The following LCN9 variants were observed in gnomAD, a reference collection of about 807,000 sequenced individuals.
LCN9 encodes the protein epididymal-specific lipocalin-9.
LCN9 carries 22 observed loss-of-function variants against 18.5 expected under a neutral mutation model. The ratio of observed to expected loss-of-function variants is 1.19; its 90% CI spans 0.85 to 1.70. The LOEUF (loss-of-function observed/expected upper bound fraction) is 1.70, where lower values mean the gene tolerates loss of function less well. Among genes scored for constraint, LCN9 ranks in the 40% most tolerant of loss-of-function variants. The probability of loss-of-function intolerance (pLI) is 0.00; values close to 1 mark genes in which losing one functional copy is unlikely to be tolerated. For synonymous variants in LCN9, 89 were observed against 83.0 expected (o/e 1.07, Z -0.39); for missense variants, 202 against 201.3 (o/e 1.00, Z -0.02).
In LCN9 at chr9:135,664,242, C is replaced by T. The variant is rs780893640; in HGVS notation, c.177C>T (p.Phe59=). 3 of 1,613,704 alleles carry T rather than the reference C, an allele frequency of 1.9e-6. No individual in the cohort carries two copies. The Admixed American group carries it at 5.0e-5, about 27-fold the overall frequency. The stretch of plus-strand genomic sequence containing the variant: ...AAGAAAATGGAGACCTGAGGGTCTT[C>T]GTCCGGAATATTGAACACTTGAAGA... Residue 59 remains phenylalanine, a synonymous_variant, in exon 2 of 6, where the codon TTC becomes TTT. Coordinates refer to ENST00000619315, the Ensembl canonical transcript of LCN9. The surrounding 1 kb of genome is among the most constrained non-coding windows in gnomAD (Gnocchi z 4.5).
rs749777406 is a variant in LCN9, at chr9:135,664,171, G to C, written c.106G>C (p.Val36Leu). The change falls in exon 2 of 6, where the codon GTC becomes CTC. Residue 36 changes from valine to leucine, a missense_variant. Val to Leu is a conservative substitution (Grantham distance 32, BLOSUM62 1). Transcript: ENST00000619315. This position sits in a 1 kb window ranked among gnomAD's most constrained non-coding sequence, Gnocchi z 4.5. ...AGCTCTTTGTCTTCAGGTTTCAGGG[G>C]TCTGGTATTCTATTTTCATGGCCTC... 3.7e-6 allele frequency: 6 copies of C among 1,613,558 alleles called. No homozygotes were observed. Among genetic ancestry groups the C allele is most frequent in the Non-Finnish European group, 5.1e-6 (6 of 1,179,718 alleles).
chr9:135,666,698 G>A (rs1241952239), exon 6 of LCN9, among the ~76,000 whole-genome samples: 1 of 152,184 alleles, frequency 6.6e-6, no homozygotes, highest in Admixed American at 6.5e-5. Flanking sequence ...TAAAGGAGTG[G>A]ATGTACCTGT....
intron 1 of LCN9, 125 bp downstream of exon 1, chr9:135,663,542 A>C (rs1200373115): frequency 2.1e-6 from 1 of 467,286 alleles, no homozygotes; most frequent in African/African-American, 2.1e-5. Context: ...CTCCTCCCCA[A>C]GCTGTGACAG....
Position 135,664,037 on chromosome 9 carries a change from G to A in LCN9, c.97-125G>A. 1 of 995,114 alleles carries A rather than the reference G, an allele frequency of 1.0e-6. No individual in the cohort carries two copies. Among genetic ancestry groups the A allele is most frequent in the East Asian group, 2.6e-5 (1 of 38,282 alleles). The allele number at this position is 995,114 out of a possible 1,614,324, so 61.6% of individuals were successfully genotyped here. On this transcript the variant is annotated intron_variant, in intron 1 of 5. Coordinates refer to ENST00000619315, the Ensembl canonical transcript of LCN9. This position sits in a 1 kb window ranked among gnomAD's most constrained non-coding sequence, Gnocchi z 4.5. ...AGGGGAGACCTGGGGGCACTGGAAG[G>A]GCGGAGGGGTTCTGGTTGGGAGCCA...
chr9:135,666,006 C>G, exon 6 of LCN9: 1 of 1,599,626 alleles, frequency 6.3e-7, no homozygotes, highest in Non-Finnish European at 8.5e-7. Context: ...GCCCATCCCT[C>G]CCCCTGGTCT....
chr9:135,664,362 TCTCA>T lies in LCN9; in HGVS notation c.233+68_233+71del. 6.3e-7 allele frequency: 1 copy of T among 1,593,274 alleles called. No individual in the cohort carries two copies. The highest frequency in any genetic ancestry group is 8.6e-7 in the Non-Finnish European group (1 of 1,164,870). The stretch of plus-strand genomic sequence containing the variant: ...ATGCCCCTGCCACCCCAACGCATAC[TCTCA>T]CTCTTGCACACACACGCTCGCACAC... On this transcript the variant is annotated intron_variant, in intron 2 of 5. Coordinates refer to ENST00000619315, the Ensembl canonical transcript of LCN9. The surrounding 1 kb of genome is among the most constrained non-coding windows in gnomAD (Gnocchi z 4.5).
rs569334365 is a variant in LCN9, at chr9:135,664,142, C to T, written c.97-20C>T. The T allele has an allele frequency of 6.2e-7, 1 of 1,612,294 alleles. No individual in the cohort carries two copies. Among genetic ancestry groups the T allele is most frequent in the Admixed American group, 1.7e-5 (1 of 59,768 alleles). On this transcript the variant is annotated intron_variant, in intron 1 of 5. Coordinates refer to ENST00000619315, the Ensembl canonical transcript of LCN9. The surrounding 1 kb of genome is among the most constrained non-coding windows in gnomAD (Gnocchi z 4.5). The stretch of plus-strand genomic sequence containing the variant: ...GGGCTGTCCCGCGGCCCCCCACCCA[C>T]TGGAGCTCTTTGTCTTCAGGTTTCA...
At chr9:135,663,360 C>G in exon 1 of LCN9, 1 of 1,613,932 alleles carries the variant, frequency 6.2e-7, no homozygotes, top group East Asian at 2.2e-5. Context: ...TGAGCCTCAT[C>G]GCAGCCCAGG....
Position 135,665,359 on chromosome 9 carries a change from C to G in LCN9, c.418+4C>G. The stretch of plus-strand genomic sequence containing the variant: ...ACCCACACGCTGGCGCTCTATGGTA[C>G]CTCCGCTGTCCCCCTCTGACCCCCT... On this transcript the variant is annotated splice_donor_region_variant and intron_variant, in intron 4 of 5. Coordinates refer to ENST00000619315, the Ensembl canonical transcript of LCN9. The surrounding 1 kb of genome is among the most constrained non-coding windows in gnomAD (Gnocchi z 5.9). 2 of 1,583,408 alleles carry G rather than the reference C, an allele frequency of 1.3e-6. No individual in the cohort carries two copies. Among genetic ancestry groups the G allele is most frequent in the Non-Finnish European group, 1.7e-6 (2 of 1,164,270 alleles).
At chr9:135,663,678 C>T (rs111990706) in intron 1 of LCN9, among the ~76,000 whole-genome samples, 67 of 138,138 alleles carry the variant, frequency 4.9e-4, no homozygotes, top group South Asian at 1.2e-3. Context: ...AGTGGAGTGG[C>T]GGCCAGCAGG....
At chr9:135,666,292 G>A in exon 6 of LCN9, 1 of 702,430 alleles carries the variant, frequency 1.4e-6, no homozygotes, top group Non-Finnish European at 2.3e-6. Flanking sequence ...TCTTCCGGCT[G>A]CTGGGGGCTC....
In LCN9 at chr9:135,665,347, C is replaced by A. The variant is rs193005693; in HGVS notation, c.410C>A (p.Ala137Glu). The A allele has an allele frequency of 1.3e-6, 2 of 1,596,340 alleles. No individual in the cohort carries two copies. The highest frequency in any genetic ancestry group is 1.7e-5 in the Admixed American group (1 of 57,800). The change falls in exon 4 of 6, where the codon GCG (alanine) becomes GAG (glutamate). Residue 137 changes from alanine (A) to glutamate (E), a missense_variant. By Grantham distance (107) the Ala-to-Glu change is moderately radical. Transcript: ENST00000619315. The surrounding 1 kb of genome is among the most constrained non-coding windows in gnomAD (Gnocchi z 5.9). ...AACGGGACCGAGACCCACACGCTGGCGCTCTATGGTACCTCCGCTGTCCCC... is the reference window on the plus strand; with the variant it reads ...AACGGGACCGAGACCCACACGCTGGAGCTCTATGGTACCTCCGCTGTCCCC...
chr9:135,665,634 A>T lies in LCN9; in HGVS notation c.419-54A>T. On this transcript the variant is annotated intron_variant, in intron 4 of 5. Coordinates refer to ENST00000619315, the Ensembl canonical transcript of LCN9. This position sits in a 1 kb window ranked among gnomAD's most constrained non-coding sequence, Gnocchi z 5.9. ...CCAGCAAGGCCCAGCTTCACACAGAACCAACTCTGTTCCCAGCACGGGTCC... is the reference window on the plus strand; with the variant it reads ...CCAGCAAGGCCCAGCTTCACACAGATCCAACTCTGTTCCCAGCACGGGTCC... The T allele has an allele frequency of 6.4e-7, 1 of 1,556,462 alleles. No individual in the cohort carries two copies. The highest frequency in any genetic ancestry group is 1.2e-5 in the South Asian group (1 of 85,910).
At chr9:135,666,281 C>T in exon 6 of LCN9, 1 of 777,988 alleles carries the variant, frequency 1.3e-6, no homozygotes, top group Non-Finnish European at 2.0e-6. Flanking sequence ...TCCTTCCTGC[C>T]TCTTCCGGCT....
chr9:135,663,831 T>G (rs1382573305), intron 1 of LCN9, among the ~76,000 whole-genome samples: 12 of 19,014 alleles, frequency 6.3e-4, no homozygotes, highest in South Asian at 3.7e-3. Context: ...GAGAGACCTG[T>G]GGGGCAGAGG....
chr9:135,663,802 GGGACCTGGAGGGGCAGAGGAGA>G (rs1834159853), intron 1 of LCN9, among the ~76,000 whole-genome samples: 1 of 34,764 alleles, frequency 2.9e-5, no homozygotes, highest in Non-Finnish European at 5.7e-5. Flanking sequence ...AGGACAGAGG[GGGACCTGGAGGGGCAGAGGAGA>G]GACCTGTGGG....
In LCN9 at chr9:135,664,337, A is replaced by G. The variant is rs1021514529; in HGVS notation, c.233+39A>G. ...ATCTCAGCTGGCATCAGGAAGACCC[A>G]TGCCCCTGCCACCCCAACGCATACT... On this transcript the variant is annotated intron_variant, in intron 2 of 5. Coordinates refer to ENST00000619315, the Ensembl canonical transcript of LCN9. This position sits in a 1 kb window ranked among gnomAD's most constrained non-coding sequence, Gnocchi z 4.5. 3 of 1,612,410 alleles carry G rather than the reference A, an allele frequency of 1.9e-6. No homozygotes were observed. In the South Asian group the frequency reaches 3.3e-5, roughly 18 times the overall value.
In LCN9 at chr9:135,664,382, G is replaced by A. The variant is rs574123301; in HGVS notation, c.233+84G>A. 1,194 of 1,520,452 alleles carry A rather than the reference G, an allele frequency of 7.9e-4. 4 individuals are homozygous for A. The highest frequency in any genetic ancestry group is 1.6e-3 in the Admixed American group (94 of 59,346). The allele number at this position is 1,520,452 out of a possible 1,614,324, so 94.2% of individuals were successfully genotyped here. On this transcript the variant is annotated intron_variant, in intron 2 of 5. Coordinates refer to ENST00000619315, the Ensembl canonical transcript of LCN9. The surrounding 1 kb of genome is among the most constrained non-coding windows in gnomAD (Gnocchi z 4.5). ...CATACTCTCACTCTTGCACACACAC[G>A]CTCGCACACTCACTGACTTGCACTC...
In LCN9 at chr9:135,665,072, C is replaced by T. The variant is rs140124106; in HGVS notation, c.308-173C>T. The T allele has an allele frequency of 1.9e-5, 12 of 636,546 alleles. No individual in the cohort carries two copies. The East Asian group carries it at 2.2e-4, about 12-fold the overall frequency. The allele number at this position is 636,546 out of a possible 1,614,324, so 39.4% of individuals were successfully genotyped here. ...ATGACAAGGAGGGAGGGGGCTGTGC[C>T]GCTGCTGCCCGCCCCCTGTGCAGGG... On this transcript the variant is annotated intron_variant, in intron 3 of 5. Transcript: ENST00000619315. The surrounding 1 kb of genome is among the most constrained non-coding windows in gnomAD (Gnocchi z 5.9).
Sources: allele counts gnomAD v4.1 joint callset (sites outside exome capture counted in the v4.1 genomes callset), GRCh38; gene constraint gnomAD v4.1.1; non-coding constraint Gnocchi (gnomAD v3.1); transcripts MANE v1.5; gene names NCBI Gene and HGNC (gene_info 2026-07-23, HGNC 2026-07-21).